The following GPATCH2 variants were observed in gnomAD, a reference collection of about 807,000 sequenced individuals.
The protein encoded by GPATCH2 is G-patch domain containing 2, also known as G patch domain-containing protein 2.
A neutral mutation model predicts 58.0 loss-of-function variants in GPATCH2; 51 were observed. The observed-to-expected ratio is 0.88, with a 90% CI of 0.70 to 1.11. GPATCH2 has a LOEUF of 1.11. Ranked by LOEUF, GPATCH2 falls within the 50% of genes most tolerant of loss-of-function variation. GPATCH2 has a pLI of 0.00. For synonymous variants in GPATCH2, 222 were observed against 218.5 expected (o/e 1.02, Z -0.14); for missense variants, 625 against 652.2 (o/e 0.96, Z 0.45).
chr1:217,497,541 C>A (rs1662073111), intron 7 of GPATCH2, among the ~76,000 whole-genome samples: 1 of 152,068 alleles, frequency 6.6e-6, no homozygotes, highest in South Asian at 2.1e-4. Context: ...CAGCTGTGAA[C>A]CTGCTGCTCA....
At chr1:217,615,179 A>C (rs1347418925) in intron 2 of GPATCH2, among the ~76,000 whole-genome samples, 3 of 152,020 alleles carry the variant, frequency 2.0e-5, no homozygotes, top group Admixed American at 2.0e-4. Flanking sequence ...AAAATATTTA[A>C]ATTGAGAAGT....
chr1:217,508,629 C>A (rs1662683534), intron 6 of GPATCH2, among the ~76,000 whole-genome samples: 1 of 152,016 alleles, frequency 6.6e-6, no homozygotes, highest in African/African-American at 2.4e-5. Context: ...GAAGTAACTC[C>A]ATTTTTATGC....
intron 9 of GPATCH2, among the ~76,000 whole-genome samples, chr1:217,440,267 G>A (rs1019635612): frequency 2.0e-5 from 3 of 152,128 alleles, no homozygotes; most frequent in African/African-American, 7.2e-5. Context: ...AAAACCACGT[G>A]ATTATTTCAA....
At chr1:217,561,125 C>T (rs1478615231) in intron 5 of GPATCH2, among the ~76,000 whole-genome samples, 2 of 152,156 alleles carry the variant, frequency 1.3e-5, no homozygotes, top group Non-Finnish European at 2.9e-5. Context: ...GACCTCTATA[C>T]TATTTGTGCA....
chr1:217,524,925 A>G (rs867628906), intron 5 of GPATCH2, among the ~76,000 whole-genome samples: 8 of 7,290 alleles, frequency 1.1e-3, no homozygotes, highest in South Asian at 4.6e-3. Context: ...GAGGGGGGAG[A>G]GGGGAGAGGG....
intron 5 of GPATCH2, among the ~76,000 whole-genome samples, chr1:217,522,573 C>A (rs553267788): frequency 3.3e-5 from 5 of 152,184 alleles, no homozygotes; most frequent in Admixed American, 3.3e-4. Context: ...CATATGTTTA[C>A]GTAAAATCCA....
chr1:217,473,653 T>TAA (rs376543282), intron 8 of GPATCH2, among the ~76,000 whole-genome samples: 3 of 145,366 alleles, frequency 2.1e-5, no homozygotes, highest in African/African-American at 7.6e-5. Flanking sequence ...AGAAAGGATG[T>TAA]AAAAAAAAAA....
At chr1:217,530,385 A>C (rs931483964) in intron 5 of GPATCH2, among the ~76,000 whole-genome samples, 2 of 152,248 alleles carry the variant, frequency 1.3e-5, no homozygotes, top group Non-Finnish European at 2.9e-5. Flanking sequence ...AAAATTAAAG[A>C]GATCATTTGT....
chr1:217,614,799 C>T (rs1014250777), intron 2 of GPATCH2, among the ~76,000 whole-genome samples: 1 of 148,208 alleles, frequency 6.7e-6, no homozygotes, highest in Non-Finnish European at 1.5e-5. Flanking sequence ...AATAATATTA[C>T]AAATATTAAG....
At chr1:217,467,548 T>C (rs1571753059) in intron 8 of GPATCH2, among the ~76,000 whole-genome samples, 1 of 152,092 alleles carries the variant, frequency 6.6e-6, no homozygotes, top group Admixed American at 6.5e-5. Context: ...CTGTGTATGG[T>C]GGGGTAAATA....
chr1:217,488,900 C>T (rs567815536), intron 8 of GPATCH2, among the ~76,000 whole-genome samples: 1 of 151,060 alleles, frequency 6.6e-6, no homozygotes, highest in East Asian at 2.0e-4. Context: ...TTGCATGTTG[C>T]CCATGGTGGT....
chr1:217,589,223 G>A (rs1032957201), intron 5 of GPATCH2, among the ~76,000 whole-genome samples: 13 of 152,114 alleles, frequency 8.5e-5, no homozygotes, highest in Non-Finnish European at 2.9e-5. Context: ...TAATGGAACT[G>A]TCCAATCTCC....
Position 217,585,990 on chromosome 1 carries a change from AT to A in GPATCH2, c.1098+24330del, listed in dbSNP as rs370194432. Among the ~76,000 whole-genome samples the A allele has an allele frequency of 9.7e-4, 147 of 152,264 alleles. 1 individual carries two copies. The highest frequency in any genetic ancestry group is 4.6e-3 in the East Asian group (24 of 5,182). Reference sequence around the variant, plus strand: ...CATATCTAAATACAGAAAATCTATAATAAAAAATATGATATAAATGGTATAC... The same window carrying A: ...CATATCTAAATACAGAAAATCTATAAAAAAAATATGATATAAATGGTATAC... On this transcript the variant is annotated intron_variant, in intron 5 of 9. Coordinates refer to ENST00000366935, the MANE Select transcript of GPATCH2 (RefSeq NM_018040.5).
chr1:217,487,989 C>CTTG (rs1193128037), intron 8 of GPATCH2, among the ~76,000 whole-genome samples: 1 of 152,128 alleles, frequency 6.6e-6, no homozygotes. Context: ...ATCCACCCGC[C>CTTG]TTGGCTTCCC....
chr1:217,543,268 C>T (rs1664845091), intron 5 of GPATCH2, among the ~76,000 whole-genome samples: 2 of 132,020 alleles, frequency 1.5e-5, no homozygotes, highest in Non-Finnish European at 3.2e-5. Flanking sequence ...ATGATGCGAA[C>T]GTTTTTTTTT....
At chr1:217,488,715 A>G (rs1242116549) in intron 8 of GPATCH2, among the ~76,000 whole-genome samples, 4 of 151,720 alleles carry the variant, frequency 2.6e-5, no homozygotes, top group African/African-American at 7.3e-5. Context: ...TTTTTGAGAC[A>G]GGGTCTTACT....
At chr1:217,569,308 TA>T (rs1666422189) in intron 5 of GPATCH2, among the ~76,000 whole-genome samples, 1 of 152,014 alleles carries the variant, frequency 6.6e-6, no homozygotes, top group African/African-American at 2.4e-5. Flanking sequence ...AAATTCTAAA[TA>T]AAAACAATGA....
rs1015199667 is a variant in GPATCH2, at chr1:217,510,972, C to A, written c.1166+3850G>T. On this transcript the variant is annotated intron_variant, in intron 6 of 9. Coordinates refer to ENST00000366935, the MANE Select transcript of GPATCH2 (RefSeq NM_018040.5). ...AATTATCTGGGCGTGGTGGCGCACG[C>A]CTGTAGTCCCAGTTACTCTGGAGGC... 2.5e-4 allele frequency among the ~76,000 whole-genome samples: 38 copies of A among 152,160 alleles called. 1 individual carries two copies. Among genetic ancestry groups the A allele is most frequent in the African/African-American group, 8.2e-4 (34 of 41,516 alleles).
At chr1:217,437,051 T>G (rs1658869030) in intron 9 of GPATCH2, among the ~76,000 whole-genome samples, 1 of 152,068 alleles carries the variant, frequency 6.6e-6, no homozygotes, top group East Asian at 1.9e-4. Flanking sequence ...TCACTGGGAC[T>G]GGTTAGACAG....
Sources: gnomAD v4.1 joint callset for allele counts (sites outside exome capture counted in the v4.1 genomes callset) on GRCh38, gnomAD v4.1.1 for gene constraint, MANE v1.5 for transcripts, NCBI Gene and HGNC (gene_info 2026-07-23, HGNC 2026-07-21) for gene names.